The following PTGIR variants were observed in gnomAD, a reference collection of about 807,000 sequenced individuals.
PTGIR encodes prostaglandin I2 receptor.
A neutral mutation model predicts 17.6 loss-of-function variants in PTGIR; 16 were observed. The observed-to-expected ratio is 0.91, with a 90% CI of 0.61 to 1.38. The LOEUF is 1.38. Among genes scored for constraint, PTGIR ranks in the 40% most tolerant of loss-of-function variants. The pLI, the probability that PTGIR is intolerant of heterozygous loss-of-function variation, is 0.00. For synonymous variants in PTGIR, 274 were observed against 255.4 expected (o/e 1.07, Z -0.69); for missense variants, 532 against 548.6 (o/e 0.97, Z 0.30).
Position 46,620,946 on chromosome 19 carries a change from G to T in PTGIR, c.*334C>A. ...TGGAGCCAGCACCCAGACCAGAGCA[G>T]ACCTGACTGTACAGAAGCCTCTGGG... On this transcript the variant is annotated 3_prime_UTR_variant, in exon 3 of 3. Coordinates refer to ENST00000291294, the MANE Select transcript of PTGIR (RefSeq NM_000960.4). The T allele has an allele frequency of 2.9e-6, 3 of 1,028,084 alleles. No individual in the cohort carries two copies. Among genetic ancestry groups the T allele is most frequent in the East Asian group, 8.2e-5 (1 of 12,130 alleles). The allele number at this position is 1,028,084 out of a possible 1,614,324, so 63.7% of individuals were successfully genotyped here. A position where few individuals can be genotyped will look rare whatever the true frequency, so the allele number is the denominator to read the frequency against.
downstream of PTGIR, among the ~76,000 whole-genome samples, chr19:46,616,729 C>G (rs182095446): frequency 5.3e-5 from 8 of 152,348 alleles, no homozygotes; most frequent in Middle Eastern, 3.4e-3. Context: ...AGACACCCTT[C>G]CACCCTGCTT....
chr19:46,610,695 T>G, the PTGIR span: 2 of 152,634 alleles, frequency 1.3e-5, no homozygotes, highest in African/African-American at 4.8e-5. Flanking sequence ...GGTTTTGTTT[T>G]TTTTAAACCG....
downstream of PTGIR, among the ~76,000 whole-genome samples, chr19:46,618,447 G>A (rs1031597606): frequency 5.9e-5 from 9 of 152,002 alleles, no homozygotes; most frequent in Non-Finnish European, 1.2e-4. Flanking sequence ...ACCATGACAG[G>A]CCAGCACCCA....
chr19:46,624,006 C>CCACGAA lies in PTGIR; in HGVS notation c.214_219dup (p.Phe72_Val73dup). 1 of 1,549,244 alleles carries CCACGAA rather than the reference C, an allele frequency of 6.5e-7. No individual in the cohort carries two copies. Among genetic ancestry groups the CCACGAA allele is most frequent in the Non-Finnish European group, 8.7e-7 (1 of 1,146,390 alleles). On this transcript the variant is annotated inframe_insertion, in exon 2 of 3. Transcript: ENST00000291294. The stretch of plus-strand genomic sequence containing the variant: ...AGCAGGGAGCTGTTGCGCGCATAGG[C>CCACGAA]CACGAACACGGCCGGGCTCAGGAAG...
chr19:46,616,182 A>G (rs1452710161), downstream of PTGIR, among the ~76,000 whole-genome samples: 1 of 152,078 alleles, frequency 6.6e-6, no homozygotes, highest in African/African-American at 2.4e-5. Flanking sequence ...GTCAGTCACC[A>G]CTATATTCCC....
Position 46,623,746 on chromosome 19 carries a change from T to G in PTGIR, c.480A>C (p.Gln160His). 6.3e-7 allele frequency: 1 copy of G among 1,598,534 alleles called. No individual in the cohort carries two copies. Among genetic ancestry groups the G allele is most frequent in the Non-Finnish European group, 8.5e-7 (1 of 1,175,604 alleles). The change falls in exon 2 of 3, where the codon CAA (glutamine) becomes CAC (histidine). Residue 160 changes from glutamine (Q) to histidine (H), a missense_variant. Physicochemically the swap from Gln to His is conservative, Grantham distance 24 (BLOSUM62 0). Coordinates refer to ENST00000291294, the MANE Select transcript of PTGIR (RefSeq NM_000960.4). ...FCALPLLGLGQHQQYCPGSWC... is the reference protein window; with the variant it reads ...FCALPLLGLGHHQQYCPGSWC... ...AGCTGCCGGGGCAGTACTGCTGGTG[T>G]TGGCCCAGGCCCAGCAGGGGCAGCG...
At position 46,623,509 on chromosome 19, in the gene PTGIR, G is replaced by T; in HGVS notation, c.717C>A (p.Ile239=). The change falls in exon 2 of 3, where the codon ATC becomes ATA. Residue 239 remains isoleucine (I), a synonymous_variant. Coordinates refer to ENST00000291294, the MANE Select transcript of PTGIR (RefSeq NM_000960.4). ...TGACCACTGTCATGAGGGCCAGCAG[G>T]ATCAGGTGGTCCACCTCGTCCTCTC... ...RTGEDEVDHL[I]LLALMTVVMA... 1 of 1,578,764 alleles carries T rather than the reference G, an allele frequency of 6.3e-7. No individual in the cohort carries two copies. The highest frequency in any genetic ancestry group is 1.2e-5 in the South Asian group (1 of 86,168).
At chr19:46,616,352 T>TTA (rs1971963251), downstream of PTGIR, among the ~76,000 whole-genome samples, 1 of 144,318 alleles carries the variant, frequency 6.9e-6, no homozygotes, top group Non-Finnish European at 1.5e-5. Context: ...TTTTTTTTTT[T>TTA]AGACAAAGTC....
chr19:46,616,307 TG>T (rs1327397394), downstream of PTGIR, among the ~76,000 whole-genome samples: 1 of 140,192 alleles, frequency 7.1e-6, no homozygotes, highest in East Asian at 2.1e-4. Flanking sequence ...AAGTTGGAGG[TG>T]TAAGCACGAC....
chr19:46,621,840 G>C lies in PTGIR; in HGVS notation c.769-168C>G. On this transcript the variant is annotated intron_variant, in intron 2 of 2. Transcript: ENST00000291294. This position sits in a 1 kb window ranked among gnomAD's most constrained non-coding sequence, Gnocchi z 4.8. ...AATGTATCTGGGGAACACAGGGAGA[G>C]AAAGCCCCAGGAAATTGCCAGAGAT... 1 of 1,392,498 alleles carries C rather than the reference G, an allele frequency of 7.2e-7. No homozygotes were observed. Among genetic ancestry groups the C allele is most frequent in the Non-Finnish European group, 9.3e-7 (1 of 1,076,264 alleles). 86.3% of individuals were successfully genotyped at this position (1,392,498 alleles called of 1,614,324 possible). A position where few individuals can be genotyped will look rare whatever the true frequency, so the allele number is the denominator to read the frequency against.
At chr19:46,614,798 AT>A in the PTGIR span, among the ~76,000 whole-genome samples, 1 of 152,178 alleles carries the variant, frequency 6.6e-6, no homozygotes. Flanking sequence ...AGGCAGGTAG[AT>A]TATTTGAGGT....
chr19:46,610,848 C>G, the PTGIR span: 4 of 152,860 alleles, frequency 2.6e-5, no homozygotes, highest in African/African-American at 7.2e-5. Flanking sequence ...CACACCAACC[C>G]CAGCACTGAC....
the PTGIR span, among the ~76,000 whole-genome samples, chr19:46,611,648 T>C: frequency 1.3e-5 from 2 of 152,190 alleles, no homozygotes; most frequent in African/African-American, 4.8e-5. Flanking sequence ...GGCACATTCC[T>C]GTAATCCTCC....
downstream of PTGIR, among the ~76,000 whole-genome samples, chr19:46,620,038 GGTGGAGCAGGGGCTTGTCT>G (rs1393809349): frequency 6.6e-6 from 1 of 152,234 alleles, no homozygotes; most frequent in Non-Finnish European, 1.5e-5. Flanking sequence ...CAGGGCCCAG[GGTGGAGCAGGGGCTTGTCT>G]GTGTCCTTAA....
the PTGIR span, among the ~76,000 whole-genome samples, chr19:46,610,999 C>T: frequency 6.6e-6 from 1 of 152,160 alleles, no homozygotes; most frequent in South Asian, 2.1e-4. Context: ...GGGTCCTGTC[C>T]TAGAGATAGT....
chr19:46,618,532 CAG>C (rs1339971233), downstream of PTGIR, among the ~76,000 whole-genome samples: 1 of 152,166 alleles, frequency 6.6e-6, no homozygotes, highest in Non-Finnish European at 1.5e-5. Context: ...CTCCTGGGCT[CAG>C]GGGATCCTCC....
chr19:46,612,223 A>C, the PTGIR span, among the ~76,000 whole-genome samples: 37 of 152,326 alleles, frequency 2.4e-4, 1 homozygote, highest in African/African-American at 8.7e-4. Flanking sequence ...TCCAGCACTT[A>C]CCTGCCTTGT....
chr19:46,621,330 C>T lies in PTGIR; in HGVS notation c.1111G>A (p.Val371Met), dbSNP rs144789807. 94 of 1,524,424 alleles carry T rather than the reference C, an allele frequency of 6.2e-5. No individual in the cohort carries two copies. The African/African-American group carries it at 1.0e-3, about 17-fold the overall frequency. The allele number at this position is 1,524,424 out of a possible 1,614,324, so 94.4% of individuals were successfully genotyped here. ...GCTTCTGCTTTGGACGACGTTCCCACGGCGCTGCCGCTGGACTGCTGTGTG... is the reference window on the plus strand; with the variant it reads ...GCTTCTGCTTTGGACGACGTTCCCATGGCGCTGCCGCTGGACTGCTGTGTG... ...PPTQQSSGSA[V>M]GTSSKAEASV... The change falls in exon 3 of 3, where the codon GTG (valine) becomes ATG (methionine). Residue 371 changes from valine to methionine, a missense_variant. By Grantham distance (21) the Val-to-Met change is conservative. Transcript: ENST00000291294. This position sits in a 1 kb window ranked among gnomAD's most constrained non-coding sequence, Gnocchi z 4.8.
chr19:46,619,633 G>GAAAGA (rs1245599818), downstream of PTGIR, among the ~76,000 whole-genome samples: 1 of 137,752 alleles, frequency 7.3e-6, no homozygotes, highest in East Asian at 2.0e-4. Flanking sequence ...AAGAAAGAAA[G>GAAAGA]AAAGAAAGAA....
Sources: gnomAD v4.1 joint callset for allele counts (sites outside exome capture counted in the v4.1 genomes callset) on GRCh38, gnomAD v4.1.1 for gene constraint, Gnocchi (gnomAD v3.1) non-coding constraint, MANE v1.5 for transcripts, NCBI Gene and HGNC (gene_info 2026-07-23, HGNC 2026-07-21) for gene names.